Variants in XRN2 observed in about 807,000 individuals in gnomAD.
XRN2 encodes the protein DHM1-like protein.
In XRN2, 44 loss-of-function variants were observed where a neutral mutation model predicts 138.5. The observed-to-expected ratio is 0.32, with a 90% confidence interval of 0.25 to 0.41. The LOEUF (loss-of-function observed/expected upper bound fraction) is 0.41, where lower values mean the gene tolerates loss of function less well. Ranked by LOEUF, XRN2 falls within the 10% of genes least tolerant of loss-of-function variation. The pLI is 1.00. For synonymous variants in XRN2, 354 were observed against 369.4 expected (o/e 0.96, Z 0.48); for missense variants, 937 against 1,169.3 (o/e 0.80, Z 2.90).
At chr20:21,348,120 T>G in intron 17 of XRN2, 26 bp from the exon 18 acceptor site, 1 of 1,576,362 alleles carries the variant, frequency 6.3e-7, no homozygotes, top group Non-Finnish European at 8.6e-7. Context: ...TTTTTGATTT[T>G]GTTGTTACTT....
At chr20:21,378,806 A>G (rs1322141285) in intron 27 of XRN2, among the ~76,000 whole-genome samples, 1 of 152,226 alleles carries the variant, frequency 6.6e-6, no homozygotes, top group Non-Finnish European at 1.5e-5. Flanking sequence ...CCATTTGGTC[A>G]AACTGACAAC....
intron 9 of XRN2, 22 bp from the exon 10 acceptor site, chr20:21,333,522 A>G: frequency 1.2e-6 from 2 of 1,606,574 alleles, no homozygotes; most frequent in Non-Finnish European, 1.7e-6. Flanking sequence ...GACTTGTTTC[A>G]TCTTCATTCC....
intron 1 of XRN2, among the ~76,000 whole-genome samples, 188 bp from the exon 2 acceptor site, chr20:21,326,091 C>T (rs961722692): frequency 3.9e-5 from 6 of 152,164 alleles, no homozygotes; most frequent in African/African-American, 1.4e-4. Context: ...TAGAAGCCAT[C>T]CACTTTCTAC....
chr20:21,319,502 A>C (rs1834326943), intron 1 of XRN2, among the ~76,000 whole-genome samples: 1 of 151,920 alleles, frequency 6.6e-6, no homozygotes. Context: ...ATAGCATTCA[A>C]ATTTTTTTCT....
chr20:21,305,006 T>C (rs2037795911), intron 1 of XRN2, among the ~76,000 whole-genome samples: 1 of 152,210 alleles, frequency 6.6e-6, no homozygotes, highest in Admixed American at 6.5e-5. Flanking sequence ...TGCTTTTGTC[T>C]TTTTCCCTGG....
Position 21,304,435 on chromosome 20 carries a change from T to G in XRN2, c.75+962T>G, listed in dbSNP as rs1047718595. On this transcript the variant is annotated intron_variant, in intron 1 of 29. Transcript: ENST00000377191. The stretch of plus-strand genomic sequence containing the variant: ...AGTGACATTCCCACTATTTCTTGTT[T>G]TTTTCAAAAAGCAACTGCTAAATTG... 7.9e-4 allele frequency among the ~76,000 whole-genome samples: 121 copies of G among 152,304 alleles called. 1 individual carries two copies. The highest frequency in any genetic ancestry group is 8.3e-4 in the South Asian group (4 of 4,830).
intron 20 of XRN2, among the ~76,000 whole-genome samples, chr20:21,351,110 A>T (rs2038505351): frequency 6.6e-6 from 1 of 152,224 alleles, no homozygotes; most frequent in Non-Finnish European, 1.5e-5. Context: ...GTAGATAATT[A>T]AATATATAAA....
intron 20 of XRN2, among the ~76,000 whole-genome samples, chr20:21,351,327 G>A (rs977503625): frequency 2.6e-5 from 4 of 152,090 alleles, no homozygotes; most frequent in South Asian, 2.1e-4. Context: ...TTGTGGTGGC[G>A]ATTTGCATTT....
Position 21,332,966 on chromosome 20 carries a change from A to G in XRN2, c.858+526A>G, listed in dbSNP as rs139278786. Reference sequence around the variant, plus strand: ...CACTTGGTTATGTCCAGTCCCCTTTAAAGGGGCTTCTGTTTCAATAATATG... The same window carrying G: ...CACTTGGTTATGTCCAGTCCCCTTTGAAGGGGCTTCTGTTTCAATAATATG... On this transcript the variant is annotated intron_variant, in intron 9 of 29. Coordinates refer to ENST00000377191, the MANE Select transcript of XRN2 (RefSeq NM_012255.5). Among the ~76,000 whole-genome samples, 24 of 152,298 alleles carry G rather than the reference A, an allele frequency of 1.6e-4. No individual in the cohort carries two copies. In the East Asian group the frequency reaches 4.4e-3, roughly 28 times the overall value.
intron 27 of XRN2, 98 bp downstream of exon 27, chr20:21,368,688 G>A: frequency 1.2e-5 from 17 of 1,472,342 alleles, no homozygotes; most frequent in Non-Finnish European, 1.5e-5. Context: ...TGTTGTATCA[G>A]TGCAGACAGT....
intron 19 of XRN2, 103 bp from the exon 20 acceptor site, chr20:21,349,281 CTTTAT>C: frequency 1.3e-6 from 1 of 786,496 alleles, no homozygotes; most frequent in South Asian, 1.5e-5. Context: ...AAGGAATGCA[CTTTAT>C]TTTCTCATCA....
chr20:21,333,132 A>G (rs554825512), intron 9 of XRN2, among the ~76,000 whole-genome samples: 94 of 152,346 alleles, frequency 6.2e-4, no homozygotes, highest in African/African-American at 2.0e-3. Context: ...ACATGTATCT[A>G]TGCACATCTG....
intron 29 of XRN2, 55 bp downstream of exon 29, chr20:21,387,061 C>T (rs2038944381): frequency 1.3e-6 from 2 of 1,556,446 alleles, no homozygotes; most frequent in Admixed American, 1.8e-5. Flanking sequence ...CAACAAGCCT[C>T]ACAGGACTCC....
chr20:21,369,483 A>G (rs1483677259), intron 27 of XRN2, among the ~76,000 whole-genome samples: 3 of 152,044 alleles, frequency 2.0e-5, no homozygotes, highest in East Asian at 1.9e-4. Context: ...TTACATTCCC[A>G]CCAGTGGTCC....
chr20:21,371,568 A>T (rs1451802392), intron 27 of XRN2, among the ~76,000 whole-genome samples: 1 of 152,244 alleles, frequency 6.6e-6, no homozygotes, highest in Non-Finnish European at 1.5e-5. Flanking sequence ...ACCATGTACA[A>T]CAGGAGAGTC....
At chr20:21,354,910 A>G (rs374183134) in intron 21 of XRN2, 38 bp downstream of exon 21, 1 of 1,515,972 alleles carries the variant, frequency 6.6e-7, no homozygotes, top group Non-Finnish European at 9.1e-7. Context: ...TGATCTGTGT[A>G]ATATACACTT....
At chr20:21,371,298 T>G (rs932063375) in intron 27 of XRN2, among the ~76,000 whole-genome samples, 1 of 152,192 alleles carries the variant, frequency 6.6e-6, no homozygotes, top group Non-Finnish European at 1.5e-5. Flanking sequence ...GCCCTCTGTT[T>G]TTAGTGTATT....
chr20:21,365,780 C>T, intron 26 of XRN2, 76 bp downstream of exon 26: 1 of 1,139,890 alleles, frequency 8.8e-7, no homozygotes, highest in Non-Finnish European at 1.1e-6. Context: ...GTATTTATGC[C>T]ATATATATAA....
At chr20:21,386,836 G>C (rs1298024159) in intron 28 of XRN2, 32 bp from the exon 29 acceptor site, 1 of 1,597,070 alleles carries the variant, frequency 6.3e-7, no homozygotes, top group Non-Finnish European at 8.6e-7. Context: ...AATAGGTGTG[G>C]CTTCTGATGT....
Sources: gnomAD v4.1 joint callset for allele counts (sites outside exome capture counted in the v4.1 genomes callset) on GRCh38, gnomAD v4.1.1 for gene constraint, MANE v1.5 for transcripts, NCBI Gene and HGNC (gene_info 2026-07-23, HGNC 2026-07-21) for gene names.